The following IFIH1 variants were observed in gnomAD, a reference collection of about 807,000 sequenced individuals.
IFIH1 encodes the protein interferon induced with helicase C domain 1, also known as interferon-induced helicase C domain-containing protein 1.
A neutral mutation model predicts 107.4 loss-of-function variants in IFIH1; 125 were observed. The observed-to-expected ratio is 1.16, with a 90% CI of 1.01 to 1.35. The LOEUF (loss-of-function observed/expected upper bound fraction) is 1.35. Ranked by LOEUF, IFIH1 falls within the 40% of genes most tolerant of loss-of-function variation. The pLI, the probability that IFIH1 is intolerant of heterozygous loss-of-function variation, is 0.00. For synonymous variants in IFIH1, 458 were observed against 413.2 expected, an observed-to-expected ratio of 1.11 and a Z score of -1.31; for missense variants, 1,333 against 1,213.7, an observed-to-expected ratio of 1.10 and a Z score of -1.46.
At position 162,281,311 on chromosome 2, in the gene IFIH1, A is replaced by G; in HGVS notation, c.1524+17T>C. 1 of 1,597,404 alleles carries G rather than the reference A, an allele frequency of 6.3e-7. No individual in the cohort carries two copies. Among genetic ancestry groups the G allele is most frequent in the Non-Finnish European group, 8.6e-7 (1 of 1,166,642 alleles). The stretch of plus-strand genomic sequence containing the variant: ...TTAGCTTTGCTTTCATTGGTTATAC[A>G]TAAAATTATGACTTACTTTTAAAAT... On this transcript the variant is annotated intron_variant, in intron 7 of 15. Transcript: ENST00000649979.
At chr2:162,308,751 G>A (rs796638012) in intron 2 of IFIH1, among the ~76,000 whole-genome samples, 2 of 152,260 alleles carry the variant, frequency 1.3e-5, no homozygotes, top group South Asian at 2.1e-4. Context: ...CAACATATGA[G>A]TATTAGGAGG....
intron 5 of IFIH1, 45 bp downstream of exon 5, chr2:162,288,090 A>G (rs1054786524): frequency 4.6e-6 from 6 of 1,293,516 alleles, no homozygotes; most frequent in Non-Finnish European, 6.7e-6. Flanking sequence ...GTTTCAGAAT[A>G]ATACAATGAA....
At chr2:162,317,214 CA>C (rs1176463601) in intron 1 of IFIH1, among the ~76,000 whole-genome samples, 1 of 152,000 alleles carries the variant, frequency 6.6e-6, no homozygotes, top group Non-Finnish European at 1.5e-5. Flanking sequence ...CAGCCACAAG[CA>C]ATATGTAAAC....
At chr2:162,310,063 C>T (rs1014977593) in intron 2 of IFIH1, 21 of 152,368 alleles carry the variant, frequency 1.4e-4, no homozygotes, top group Admixed American at 4.6e-4. Context: ...CACTTCCACA[C>T]GTTTAGGTGT....
chr2:162,279,843 T>G (rs142135951), intron 8 of IFIH1, among the ~76,000 whole-genome samples, 153 bp downstream of exon 8: 553 of 152,130 alleles, frequency 3.6e-3, no homozygotes, highest in African/African-American at 0.013. Context: ...CTGTAGTGCT[T>G]TACTGCCTAA....
chr2:162,277,443 T>A lies in IFIH1; in HGVS notation c.2016A>T (p.Thr672=). ...AAAATAAAGTCATGAGAAATCTATC[T>A]GTTTCATCCAGTTTCAAAGGTTTCT... ...DLKKPLKLDE[T]DRFLMTLFFE... Residue 672 remains threonine (T), a synonymous_variant, in exon 10 of 16, where the codon ACA becomes ACT. Coordinates refer to ENST00000649979, the MANE Select transcript of IFIH1 (RefSeq NM_022168.4). 3.1e-6 allele frequency: 5 copies of A among 1,608,720 alleles called. No homozygotes were observed. The highest frequency in any genetic ancestry group is 4.2e-6 in the Non-Finnish European group (5 of 1,176,720).
chr2:162,283,338 G>A (rs1292367175), intron 5 of IFIH1, among the ~76,000 whole-genome samples: 1 of 151,936 alleles, frequency 6.6e-6, no homozygotes, highest in Non-Finnish European at 1.5e-5. Flanking sequence ...CCTGGCAAAA[G>A]AAGTGGAAAC....
At chr2:162,310,381 T>G in intron 2 of IFIH1, 2 of 291,912 alleles carry the variant, frequency 6.9e-6, no homozygotes, top group Non-Finnish European at 6.3e-6. Context: ...AAATGCTTAA[T>G]ACATTGCTTA....
chr2:162,288,458 C>A, intron 4 of IFIH1, 103 bp from the exon 5 acceptor site: 1 of 736,398 alleles, frequency 1.4e-6, no homozygotes, highest in Non-Finnish European at 2.3e-6. Flanking sequence ...AACTCCTTTT[C>A]ACATGTGGTC....
intron 1 of IFIH1, among the ~76,000 whole-genome samples, chr2:162,315,031 G>C (rs868467044): frequency 7.2e-5 from 11 of 152,092 alleles, no homozygotes; most frequent in Non-Finnish European, 8.8e-5. Context: ...TACGGGCAGG[G>C]GCTAGGAAAT....
At chr2:162,315,404 G>T (rs1478678686) in intron 1 of IFIH1, among the ~76,000 whole-genome samples, 8 of 151,968 alleles carry the variant, frequency 5.3e-5, no homozygotes, top group Admixed American at 5.2e-4. Flanking sequence ...TATAATCTAG[G>T]GACTTTAAGA....
chr2:162,315,350 A>G (rs1316475934), intron 1 of IFIH1, among the ~76,000 whole-genome samples: 1 of 152,176 alleles, frequency 6.6e-6, no homozygotes, highest in African/African-American at 2.4e-5. Context: ...ACCTAATCCT[A>G]GTTAGGTTCT....
chr2:162,282,264 A>C, intron 6 of IFIH1, 102 bp downstream of exon 6: 1 of 724,554 alleles, frequency 1.4e-6, no homozygotes, highest in Non-Finnish European at 2.2e-6. Flanking sequence ...AAGCAATAAA[A>C]GACAATTTAA....
intron 14 of IFIH1, 65 bp from the exon 15 acceptor site, chr2:162,267,634 G>T: frequency 8.4e-7 from 1 of 1,183,838 alleles, no homozygotes; most frequent in Non-Finnish European, 1.3e-6. Flanking sequence ...GTAGTTCATG[G>T]GTTATTGGAC....
rs1683546966 is a variant in IFIH1 at position 162,318,153 on chromosome 2, G to T, written c.155C>A (p.Thr52Asn). Reference sequence around the variant, plus strand: ...TTCAACTGCCTGCATGTTCCCGGAGGTGGCGACTGTCCTCTGAATCTGCTC... The same window carrying T: ...TTCAACTGCCTGCATGTTCCCGGAGTTGGCGACTGTCCTCTGAATCTGCTC... Reference protein sequence around the residue: ...VKEQIQRTVATSGNMQAVELL... With the variant: ...VKEQIQRTVANSGNMQAVELL... The change falls in exon 1 of 16, where the codon ACC becomes AAC. Residue 52 changes from threonine to asparagine, a missense_variant. By Grantham distance (65) the Thr-to-Asn change is moderately conservative. Coordinates refer to ENST00000649979, the MANE Select transcript of IFIH1 (RefSeq NM_022168.4). The T allele has an allele frequency of 5.0e-6, 8 of 1,614,080 alleles. No individual in the cohort carries two copies. The Middle Eastern group carries it at 8.2e-4, about 166-fold the overall frequency.
At chr2:162,302,483 A>T (rs941756813) in intron 3 of IFIH1, among the ~76,000 whole-genome samples, 1 of 152,230 alleles carries the variant, frequency 6.6e-6, no homozygotes, top group African/African-American at 2.4e-5. Context: ...ATTCAAAATA[A>T]AGACTAAACA....
intron 11 of IFIH1, among the ~76,000 whole-genome samples, chr2:162,275,744 T>C (rs1475183524): frequency 2.0e-5 from 3 of 152,272 alleles, no homozygotes; most frequent in African/African-American, 7.2e-5. Flanking sequence ...CAGAAGAATA[T>C]TTTACTCTAA....
chr2:162,279,971 T>C lies in IFIH1; in HGVS notation c.1641+25A>G, dbSNP rs779190642. 39 of 1,142,418 alleles carry C rather than the reference T, an allele frequency of 3.4e-5. No homozygotes were observed. The South Asian group carries it at 4.3e-4, about 13-fold the overall frequency. The allele number at this position is 1,142,418 out of a possible 1,614,324, so 70.8% of individuals were successfully genotyped here. Reference sequence around the variant, plus strand: ...TACTGAATGTAGTATTGTCAATCAATAGATATAAAACATTAAGCCCATACT... The same window carrying C: ...TACTGAATGTAGTATTGTCAATCAACAGATATAAAACATTAAGCCCATACT... On this transcript the variant is annotated intron_variant, in intron 8 of 15. Transcript: ENST00000649979.
At chr2:162,300,565 A>G (rs1683176600) in intron 3 of IFIH1, among the ~76,000 whole-genome samples, 2 of 152,196 alleles carry the variant, frequency 1.3e-5, no homozygotes, top group Admixed American at 1.3e-4. Flanking sequence ...TCCTTTAACA[A>G]GTACCAATAT....
Sources: allele counts gnomAD v4.1 joint callset (sites outside exome capture counted in the v4.1 genomes callset), GRCh38; gene constraint gnomAD v4.1.1; transcripts MANE v1.5; gene names NCBI Gene and HGNC (gene_info 2026-07-23, HGNC 2026-07-21).